The following SLC39A6 variants were observed in gnomAD, a reference collection of about 807,000 sequenced individuals.
SLC39A6 encodes the protein solute carrier family 39 member 6, also known as zinc transporter ZIP6.
A neutral mutation model predicts 63.5 loss-of-function variants in SLC39A6; 51 were observed. That is an observed-to-expected ratio of 0.80 (90% confidence interval 0.64 to 1.01). The LOEUF (loss-of-function observed/expected upper bound fraction) is 1.01, where lower values mean the gene tolerates loss of function less well. Among genes scored for constraint, SLC39A6 ranks in the 50% least tolerant of loss-of-function variants. The pLI is 0.00. For synonymous variants in SLC39A6, 318 were observed against 324.7 expected (o/e 0.98, Z 0.22); for missense variants, 805 against 927.8 (o/e 0.87, Z 1.72).
chr18:36,111,651 A>AT lies in SLC39A6; in HGVS notation c.1925-403dup, dbSNP rs1233498043. 1.1e-4 allele frequency among the ~76,000 whole-genome samples: 16 copies of AT among 152,074 alleles called. No individual in the cohort carries two copies. The East Asian group carries it at 1.7e-3, about 17-fold the overall frequency. On this transcript the variant is annotated intron_variant, in intron 8 of 9. Transcript: ENST00000269187. ...AAGTGCATGCCACCACACCTGGATA[A>AT]TTTTTTTACTTTTAGTAGAGACGGG...
Position 36,111,093 on chromosome 18 carries a change from G to A in SLC39A6, c.2081C>T (p.Ala694Val). Residue 694 changes from alanine to valine, a missense_variant, in exon 9 of 10, where the codon GCT becomes GTT. Around this residue, in one of 4 missense-constraint regions of SLC39A6, gnomAD observed 145 missense variants for 227.2 expected, o/e 0.64. Transcript: ENST00000269187. ...NVSMWIFALT[A>V]GLFMYVALVD... is the part of the protein sequence containing the mutation. ...CAGAGCAACATACATGAATAAGCCAGCAGTAAGTGCAAATATCCACATAGA... is the reference window on the plus strand; with the variant it reads ...CAGAGCAACATACATGAATAAGCCAACAGTAAGTGCAAATATCCACATAGA... 1 of 1,614,090 alleles carries A rather than the reference G, an allele frequency of 6.2e-7. No homozygotes were observed. The highest frequency in any genetic ancestry group is 1.7e-5 in the Admixed American group (1 of 60,026).
At chr18:36,116,880 C>T (rs1449333056) in intron 5 of SLC39A6, 101 bp from the exon 6 acceptor site, 1 of 715,376 alleles carries the variant, frequency 1.4e-6, no homozygotes, top group Non-Finnish European at 2.4e-6. Context: ...AATGCCCCCA[C>T]AGTCATCTAC....
chr18:36,120,235 T>C (rs544013847), intron 5 of SLC39A6, among the ~76,000 whole-genome samples: 1 of 145,208 alleles, frequency 6.9e-6, no homozygotes, highest in Non-Finnish European at 1.5e-5. Flanking sequence ...ACTCACCATA[T>C]AATGAGTAGC....
chr18:36,118,185 T>C (rs1219270964), intron 5 of SLC39A6, among the ~76,000 whole-genome samples: 1 of 152,206 alleles, frequency 6.6e-6, no homozygotes, highest in Admixed American at 6.5e-5. Context: ...CATTGGGCAA[T>C]TGTTCTAGAA....
At chr18:36,122,836 C>A (rs1303467519) in intron 4 of SLC39A6, among the ~76,000 whole-genome samples, 5 of 152,206 alleles carry the variant, frequency 3.3e-5, no homozygotes, top group Non-Finnish European at 7.3e-5. Context: ...AGTAGGTATT[C>A]CCGAATGTCT....
chr18:36,116,927 C>G, intron 5 of SLC39A6, 148 bp from the exon 6 acceptor site: 1 of 607,710 alleles, frequency 1.6e-6, no homozygotes. Context: ...CACACTATCT[C>G]CTGGGAACTT....
At chr18:36,125,760 C>G (rs2089432337) in intron 2 of SLC39A6, among the ~76,000 whole-genome samples, 1 of 152,232 alleles carries the variant, frequency 6.6e-6, no homozygotes, top group African/African-American at 2.4e-5. Flanking sequence ...CAATTTCAAT[C>G]ATTCCTCAAG....
chr18:36,117,455 C>G (rs1598708130), intron 5 of SLC39A6, among the ~76,000 whole-genome samples: 1 of 152,170 alleles, frequency 6.6e-6, no homozygotes, highest in Non-Finnish European at 1.5e-5. Flanking sequence ...CCTCTATTAA[C>G]CCTGAATTCA....
At position 36,124,695 on chromosome 18, in the gene SLC39A6, G is replaced by C. The variant is rs771676935; in HGVS notation, c.795C>G (p.Phe265Leu). The C allele has an allele frequency of 3.9e-6, 6 of 1,537,612 alleles. No individual in the cohort carries two copies. In the African/African-American group the frequency reaches 6.7e-5, roughly 17 times the overall value. ...GAGATGTCAGTAGCTTTGATGCATT[G>C]AAACACTGAAAGAAACAAAGCAGTG... Reference protein sequence around the residue: ...RNTNENPQECFNASKLLTSHG... With the variant: ...RNTNENPQECLNASKLLTSHG... Residue 265 changes from phenylalanine to leucine, a missense_variant, in exon 3 of 10, where the codon TTC (phenylalanine) becomes TTG (leucine). Coordinates refer to ENST00000269187, the MANE Select transcript of SLC39A6 (RefSeq NM_012319.4).
chr18:36,121,455 C>A (rs1010609278), intron 5 of SLC39A6, among the ~76,000 whole-genome samples: 1 of 152,196 alleles, frequency 6.6e-6, no homozygotes, highest in Non-Finnish European at 1.5e-5. Context: ...CCCCACCTGA[C>A]CCACATCATT....
At chr18:36,128,990 C>T (rs927613954) in intron 1 of SLC39A6, 124 bp downstream of exon 1, 1 of 152,586 alleles carries the variant, frequency 6.6e-6, no homozygotes, top group Non-Finnish European at 1.5e-5. Context: ...CATCCTCTTT[C>T]TGTAGCCCCC....
At position 36,109,357 on chromosome 18, in the gene SLC39A6, AC is replaced by A. The variant is rs1170790910; in HGVS notation, c.*235del. ...ACATGTCATGCCAAATCTCTTGTTT[AC>A]ATAATAAACTGGTAATACCGGTGAA... On this transcript the variant is annotated 3_prime_UTR_variant, in exon 10 of 10. Transcript: ENST00000269187. 5 of 319,356 alleles carry A rather than the reference AC, an allele frequency of 1.6e-5. No individual in the cohort carries two copies. The highest frequency in any genetic ancestry group is 2.9e-5 in the Non-Finnish European group (5 of 174,854). 19.8% of individuals were successfully genotyped at this position (319,356 alleles called of 1,614,324 possible). A position where few individuals can be genotyped will look rare whatever the true frequency, so the allele number is the denominator to read the frequency against.
intron 1 of SLC39A6, 104 bp from the exon 2 acceptor site, chr18:36,127,120 C>A (rs1455696505): frequency 9.6e-7 from 1 of 1,041,486 alleles, no homozygotes; most frequent in East Asian, 2.6e-5. Flanking sequence ...TCAAAGTTGC[C>A]AGAGCATCAT....
chr18:36,112,365 C>T (rs1460139062), intron 8 of SLC39A6, 136 bp downstream of exon 8: 6 of 670,460 alleles, frequency 8.9e-6, no homozygotes, highest in Non-Finnish European at 1.6e-5. Context: ...TCCCTGATGT[C>T]ATCAGTATGC....
At position 36,126,992 on chromosome 18, in the gene SLC39A6, A is replaced by G. The variant is rs1184557047; in HGVS notation, c.16T>C (p.Ser6Pro). ...GCAAAGGTCAGGATCAAGATTACAG[A>G]TAACTTCCTCGCCATTGCGCCTTCC... Reference protein sequence around the residue: MARKLSVILILTFALS... With the variant: MARKLPVILILTFALS... Residue 6 changes from serine to proline, a missense_variant, in exon 2 of 10, where the codon TCT becomes CCT. This residue lies in a region of SLC39A6 where 639 missense variants were observed against 644.0 expected (regional missense o/e 0.99). Transcript: ENST00000269187. 3 of 1,610,834 alleles carry G rather than the reference A, an allele frequency of 1.9e-6. No homozygotes were observed. Among genetic ancestry groups the G allele is most frequent in the African/African-American group, 1.3e-5 (1 of 74,746 alleles).
intron 4 of SLC39A6, 107 bp from the exon 5 acceptor site, chr18:36,122,377 T>C: frequency 1.3e-6 from 1 of 783,004 alleles, no homozygotes; most frequent in Non-Finnish European, 2.1e-6. Flanking sequence ...ATGCAATTAT[T>C]CAGATACTTC....
rs1301300546 is a variant in SLC39A6, at chr18:36,122,352, T to G, written c.1141-82A>C. The stretch of plus-strand genomic sequence containing the variant: ...AAAGTTGGCTAGGTAAGGTCAAAAT[T>G]GAAATCATTCAGTTATGCAATTATT... On this transcript the variant is annotated intron_variant, in intron 4 of 9. Transcript: ENST00000269187. The G allele has an allele frequency of 4.9e-6, 5 of 1,013,538 alleles. No individual in the cohort carries two copies. The East Asian group carries it at 9.5e-5, about 19-fold the overall frequency. The allele number at this position is 1,013,538 out of a possible 1,614,324, so 62.8% of individuals were successfully genotyped here.
In SLC39A6 at chr18:36,122,049, T is replaced by C; in HGVS notation, c.1359+3A>G. The C allele has an allele frequency of 6.3e-7, 1 of 1,595,204 alleles. No individual in the cohort carries two copies. Among genetic ancestry groups the C allele is most frequent in the Non-Finnish European group, 8.6e-7 (1 of 1,165,270 alleles). ...AGTAAGTACTCGGTATACTTTTTCT[T>C]ACCTTTTTCTTCTTATCTTTAAATT... On this transcript the variant is annotated splice_donor_region_variant and intron_variant, in intron 5 of 9. Transcript: ENST00000269187.
intron 5 of SLC39A6, among the ~76,000 whole-genome samples, chr18:36,120,434 T>G (rs559835544): frequency 6.6e-6 from 1 of 152,310 alleles, no homozygotes; most frequent in South Asian, 2.1e-4. Context: ...GGCTCAAAAT[T>G]TTTAATTTGA....
Sources: gnomAD v4.1 joint callset for allele counts (sites outside exome capture counted in the v4.1 genomes callset) on GRCh38, gnomAD v4.1.1 for gene constraint, gnomAD v4.1.1 regional missense constraint, MANE v1.5 for transcripts, NCBI Gene and HGNC (gene_info 2026-07-23, HGNC 2026-07-21) for gene names.